Variants in MIPEP observed in about 807,000 individuals in gnomAD.
MIPEP encodes the protein mitochondrial intermediate peptidase.
In MIPEP, 79 loss-of-function variants were observed where a neutral mutation model predicts 90.3. The observed-to-expected ratio is 0.87, with a 90% CI of 0.73 to 1.05. The LOEUF (loss-of-function observed/expected upper bound fraction) is 1.05, where lower values mean the gene tolerates loss of function less well. Among genes scored for constraint, MIPEP ranks in the 50% least tolerant of loss-of-function variants. MIPEP has a pLI of 0.00. For missense variants in MIPEP, 940 were observed against 905.6 expected, an observed-to-expected ratio of 1.04 and a Z score of -0.49; for synonymous variants, 334 against 315.8, an observed-to-expected ratio of 1.06 and a Z score of -0.61.
At chr13:23,858,559 A>G (rs1368576681) in intron 10 of MIPEP, among the ~76,000 whole-genome samples, 1 of 151,790 alleles carries the variant, frequency 6.6e-6, no homozygotes, top group Non-Finnish European at 1.5e-5. Context: ...ACACATGCTG[A>G]GCCCCTACTC....
At chr13:23,835,650 C>T in intron 14 of MIPEP, among the ~76,000 whole-genome samples, 1 of 152,184 alleles carries the variant, frequency 6.6e-6, no homozygotes, top group East Asian at 1.9e-4. Flanking sequence ...TACACATGGA[C>T]AGTAAACAGC....
At chr13:23,747,723 T>C (rs905977814) in intron 18 of MIPEP, among the ~76,000 whole-genome samples, 5 of 152,160 alleles carry the variant, frequency 3.3e-5, no homozygotes, top group South Asian at 2.1e-4. Flanking sequence ...CCTGTTCCCA[T>C]TGTAATCATC....
At chr13:23,812,889 G>GA (rs1401277016) in intron 14 of MIPEP, among the ~76,000 whole-genome samples, 1 of 152,098 alleles carries the variant, frequency 6.6e-6, no homozygotes, top group Non-Finnish European at 1.5e-5. Context: ...CACATAAGTA[G>GA]AGAATAAGTA....
chr13:23,860,247 TGA>T (rs543354506), intron 9 of MIPEP, among the ~76,000 whole-genome samples: 2 of 152,344 alleles, frequency 1.3e-5, no homozygotes, highest in South Asian at 4.1e-4. Flanking sequence ...AAGCCTGAAT[TGA>T]GTTTTATGAT....
At chr13:23,869,505 A>G in intron 6 of MIPEP, 57 bp from the exon 7 acceptor site, 1 of 1,440,480 alleles carries the variant, frequency 6.9e-7, no homozygotes. Context: ...GTCCTATGCA[A>G]CAATAACACA....
chr13:23,781,192 G>T (rs1952778856), intron 16 of MIPEP, among the ~76,000 whole-genome samples: 1 of 152,066 alleles, frequency 6.6e-6, no homozygotes, highest in African/African-American at 2.4e-5. Flanking sequence ...AAATGTTAAG[G>T]GCAGCCAGAG....
At chr13:23,849,818 A>G (rs1869725350) in intron 10 of MIPEP, among the ~76,000 whole-genome samples, 1 of 152,260 alleles carries the variant, frequency 6.6e-6, no homozygotes. Context: ...CACTGTATTT[A>G]TGAAGCACAC....
At chr13:23,854,657 T>C (rs2137488372) in intron 10 of MIPEP, among the ~76,000 whole-genome samples, 1 of 152,028 alleles carries the variant, frequency 6.6e-6, no homozygotes, top group East Asian at 1.9e-4. Context: ...TTTGGGAGGC[T>C]GAGGCAGGCG....
chr13:23,807,452 T>G (rs1953123664), intron 15 of MIPEP, among the ~76,000 whole-genome samples: 1 of 152,194 alleles, frequency 6.6e-6, no homozygotes, highest in African/African-American at 2.4e-5. Context: ...TTAGTTTGGT[T>G]AAAAGAGAAA....
intron 5 of MIPEP, among the ~76,000 whole-genome samples, chr13:23,871,907 T>C (rs1355487870): frequency 6.6e-6 from 1 of 152,160 alleles, no homozygotes; most frequent in Admixed American, 6.5e-5. Context: ...CTTCAAAACT[T>C]TTACTTTGAA....
intron 18 of MIPEP, among the ~76,000 whole-genome samples, chr13:23,751,232 T>G (rs887239574): frequency 1.3e-4 from 20 of 152,318 alleles, no homozygotes; most frequent in Admixed American, 1.2e-3. Flanking sequence ...CAAAAAAAAT[T>G]TAATAAGCTA....
rs1251554795 is a variant in MIPEP at position 23,804,205 on chromosome 13, TTTA to T, written c.1848+1742_1848+1744del. Among the ~76,000 whole-genome samples, 27 of 152,318 alleles carry T rather than the reference TTTA, an allele frequency of 1.8e-4. No individual in the cohort carries two copies. In the South Asian group the frequency reaches 5.2e-3, roughly 29 times the overall value. On this transcript the variant is annotated intron_variant, in intron 16 of 18. Coordinates refer to ENST00000382172, the MANE Select transcript of MIPEP (RefSeq NM_005932.4). ...TTCTTTTAAAAAGAGACATAATTAC[TTTA>T]TTATTAGACCTACGATAAAAAAGGG...
chr13:23,788,185 T>C (rs1952867588), intron 16 of MIPEP, among the ~76,000 whole-genome samples: 1 of 152,266 alleles, frequency 6.6e-6, no homozygotes, highest in South Asian at 2.1e-4. Context: ...TTCTTCAGTC[T>C]ATTTTAAAAA....
At chr13:23,790,913 CCT>C (rs1284660535) in intron 16 of MIPEP, among the ~76,000 whole-genome samples, 1 of 152,142 alleles carries the variant, frequency 6.6e-6, no homozygotes, top group African/African-American at 2.4e-5. Flanking sequence ...CCTAACTCAG[CCT>C]CTCACTCCAT....
At chr13:23,877,680 T>C (rs748944241) in intron 4 of MIPEP, among the ~76,000 whole-genome samples, 25 of 152,232 alleles carry the variant, frequency 1.6e-4, no homozygotes, top group Non-Finnish European at 2.9e-4. Context: ...GATGAGTTAC[T>C]CAATTTAAAT....
rs115460793 is a variant in MIPEP, at chr13:23,797,604, C to G, written c.1848+8346G>C. ...TGAACCTCTAAAGCACTCCTCTATT[C>G]TGCCTGGTCATCTTGTTTCTTTAGC... On this transcript the variant is annotated intron_variant, in intron 16 of 18. Transcript: ENST00000382172. Among the ~76,000 whole-genome samples the G allele has an allele frequency of 6.3e-3, 963 of 152,328 alleles. 10 individuals are homozygous for G. Among genetic ancestry groups the G allele is most frequent in the African/African-American group, 0.022 (931 of 41,568 alleles).
At chr13:23,849,370 C>T (rs763528039) in intron 10 of MIPEP, among the ~76,000 whole-genome samples, 2 of 152,236 alleles carry the variant, frequency 1.3e-5, no homozygotes, top group African/African-American at 2.4e-5. Context: ...CCTGTCACCA[C>T]CTCAGACTCT....
At chr13:23,847,315 A>T (rs2137474267) in intron 10 of MIPEP, among the ~76,000 whole-genome samples, 1 of 152,274 alleles carries the variant, frequency 6.6e-6, no homozygotes, top group South Asian at 2.1e-4. Context: ...GAGAACGATC[A>T]ATTTAGAGAA....
chr13:23,840,499 T>C (rs540283461), intron 11 of MIPEP, among the ~76,000 whole-genome samples: 49 of 152,292 alleles, frequency 3.2e-4, no homozygotes, highest in Middle Eastern at 6.8e-3. Context: ...CTCTTATAAA[T>C]TTTTCTTTTT....
Sources: allele counts gnomAD v4.1 joint callset (sites outside exome capture counted in the v4.1 genomes callset), GRCh38; gene constraint gnomAD v4.1.1; transcripts MANE v1.5; gene names NCBI Gene and HGNC (gene_info 2026-07-23, HGNC 2026-07-21).